TTC39C: variants seen among roughly 807,000 people sequenced by gnomAD.
TTC39C encodes tetratricopeptide repeat protein 39C.
Under a neutral mutation model 76.3 loss-of-function variants are expected in TTC39C, and 33 were observed. The observed-to-expected ratio is 0.43, with a 90% CI of 0.33 to 0.58. The LOEUF (loss-of-function observed/expected upper bound fraction) is 0.58. TTC39C is among the 20% of genes least tolerant of loss of function. The pLI is 0.04. For missense variants in TTC39C, 595 were observed against 701.4 expected (o/e 0.85, Z 1.71); for synonymous variants, 254 against 260.6 (o/e 0.97, Z 0.24).
intron 6 of TTC39C, chr18:24,114,013 C>G: frequency 3.0e-6 from 1 of 329,444 alleles, no homozygotes; most frequent in South Asian, 2.8e-5. Flanking sequence ...TGGTGAAGAG[C>G]TCACTGAGAA....
chr18:24,081,362 A>G (rs926539002), intron 5 of TTC39C, among the ~76,000 whole-genome samples: 4 of 152,248 alleles, frequency 2.6e-5, no homozygotes, highest in Admixed American at 6.5e-5. Context: ...GTGGTTTCCT[A>G]TATGTGACAT....
intron 1 of TTC39C, among the ~76,000 whole-genome samples, chr18:24,021,328 G>A (rs974873761): frequency 6.6e-4 from 101 of 152,116 alleles, no homozygotes; most frequent in Non-Finnish European, 2.6e-4. Flanking sequence ...TCGCGAGGCC[G>A]CTGCTCATTC....
In TTC39C at chr18:24,023,969, TATATATATATACATATATATATATATATA is replaced by T. The variant is rs2083554736; in HGVS notation, c.167+8932_167+8960del. Among the ~76,000 whole-genome samples, 18 of 13,870 alleles carry T rather than the reference TATATATATATACATATATATATATATATA, an allele frequency of 1.3e-3. 1 individual carries two copies. The highest frequency in any genetic ancestry group is 2.9e-3 in the African/African-American group (17 of 5,770). The allele number at this position is 13,870 out of a possible 152,430, so 9.1% of individuals were successfully genotyped here. On this transcript the variant is annotated intron_variant, in intron 1 of 13. Transcript: ENST00000317571. Reference sequence around the variant, plus strand: ...ATGCATGTATATATATATATATATATATATATATATACATATATATATATATATATATATATATATATATATATTTTTTT... The same window carrying T: ...ATGCATGTATATATATATATATATATTATATATATATATATATATTTTTTT...
intron 6 of TTC39C, among the ~76,000 whole-genome samples, chr18:24,107,032 C>T (rs1185173108): frequency 6.6e-6 from 1 of 152,144 alleles, no homozygotes; most frequent in African/African-American, 2.4e-5. Context: ...CCCAAAAGAA[C>T]TCGGCCTTGT....
At chr18:24,015,087 T>G (rs568370722) in intron 1 of TTC39C, 49 bp downstream of exon 1, 3 of 1,364,912 alleles carry the variant, frequency 2.2e-6, no homozygotes, top group African/African-American at 1.5e-5. Context: ...GCACCTCGTG[T>G]CCGGCTCACG....
At chr18:24,052,993 G>T (rs943693684) in intron 1 of TTC39C, among the ~76,000 whole-genome samples, 4 of 152,160 alleles carry the variant, frequency 2.6e-5, no homozygotes, top group African/African-American at 9.7e-5. Flanking sequence ...AATCTGATTT[G>T]TAGCAGGATT....
intron 8 of TTC39C, among the ~76,000 whole-genome samples, chr18:24,122,316 A>G (rs1245582276): frequency 6.6e-6 from 1 of 151,956 alleles, no homozygotes; most frequent in Non-Finnish European, 1.5e-5. Context: ...CAAGAGGCCA[A>G]TATGGTGAAA....
intron 7 of TTC39C, among the ~76,000 whole-genome samples, chr18:24,117,641 G>T (rs2084911930): frequency 6.6e-6 from 1 of 151,602 alleles, no homozygotes; most frequent in Admixed American, 6.6e-5. Context: ...AGCAGAGGTT[G>T]CAGTGAGCCG....
At chr18:24,075,279 C>T (rs542243232) in intron 4 of TTC39C, among the ~76,000 whole-genome samples, 21 of 151,212 alleles carry the variant, frequency 1.4e-4, no homozygotes, top group South Asian at 6.3e-4. Flanking sequence ...TGCACATGTA[C>T]GCTAGAACTT....
chr18:24,065,286 A>T (rs193195034), intron 2 of TTC39C, among the ~76,000 whole-genome samples: 1 of 152,356 alleles, frequency 6.6e-6, no homozygotes, highest in East Asian at 1.9e-4. Flanking sequence ...GAGGAGTTAG[A>T]GACAGTAGGT....
chr18:24,041,366 C>T (rs1033070811), intron 1 of TTC39C, among the ~76,000 whole-genome samples: 4 of 152,184 alleles, frequency 2.6e-5, no homozygotes, highest in African/African-American at 9.7e-5. Context: ...CTGGGCTCCA[C>T]CTTGCAGCAA....
At chr18:24,005,836 C>A (rs1277274952) in intron 1 of TTC39C, among the ~76,000 whole-genome samples, 5 of 148,152 alleles carry the variant, frequency 3.4e-5, no homozygotes, top group African/African-American at 1.0e-4. Flanking sequence ...CTGAGTGAGA[C>A]CCTGTCTCAA....
Position 24,042,775 on chromosome 18 carries a change from CAGA to C in TTC39C, c.168-21357_168-21355del, listed in dbSNP as rs1229692547. ...TACAATTTAAGATGTAAAAAGACTC[CAGA>C]AGAAGAAATGAATATACCCTGTATA... On this transcript the variant is annotated intron_variant, in intron 1 of 13. Transcript: ENST00000317571. Among the ~76,000 whole-genome samples the C allele has an allele frequency of 2.6e-5, 4 of 152,080 alleles. No homozygotes were observed. The East Asian group carries it at 7.7e-4, about 29-fold the overall frequency.
chr18:24,033,715 T>TA (rs2083700856), intron 1 of TTC39C, among the ~76,000 whole-genome samples: 5 of 152,238 alleles, frequency 3.3e-5, no homozygotes, highest in Admixed American at 3.3e-4. Context: ...TTGTAGCCAC[T>TA]AGCTTTTCAG....
At chr18:24,070,961 C>T (rs987490727) in intron 4 of TTC39C, among the ~76,000 whole-genome samples, 1 of 152,098 alleles carries the variant, frequency 6.6e-6, no homozygotes, top group Non-Finnish European at 1.5e-5. Flanking sequence ...TGGAGTCTCG[C>T]AGTGTTTCCT....
intron 1 of TTC39C, among the ~76,000 whole-genome samples, chr18:24,043,566 C>T (rs1044256017): frequency 6.6e-6 from 1 of 152,166 alleles, no homozygotes; most frequent in Non-Finnish European, 1.5e-5. Flanking sequence ...GGAGGCAGGG[C>T]GCCCTACATG....
At chr18:24,012,281 G>A (rs906460575), upstream of TTC39C, among the ~76,000 whole-genome samples, 2 of 152,184 alleles carry the variant, frequency 1.3e-5, no homozygotes, top group Non-Finnish European at 2.9e-5. Flanking sequence ...CATATCTGGT[G>A]TGTATTACAT....
chr18:24,129,390 T>TG (rs1246482481), intron 11 of TTC39C, among the ~76,000 whole-genome samples: 1 of 152,188 alleles, frequency 6.6e-6, no homozygotes, highest in African/African-American at 2.4e-5. Flanking sequence ...GATGCAGCCC[T>TG]GGGGGTCAAG....
intron 9 of TTC39C, 67 bp downstream of exon 9, chr18:24,124,010 C>A: frequency 8.3e-7 from 1 of 1,199,836 alleles, no homozygotes; most frequent in South Asian, 1.4e-5. Flanking sequence ...ACTGCCTTGG[C>A]AAGCTTTAGG....
Sources: allele counts gnomAD v4.1 joint callset (sites outside exome capture counted in the v4.1 genomes callset), GRCh38; gene constraint gnomAD v4.1.1; transcripts MANE v1.5; gene names NCBI Gene and HGNC (gene_info 2026-07-23, HGNC 2026-07-21).